Variants in SEMA3C observed in about 807,000 individuals in gnomAD.
SEMA3C encodes the protein semaphorin 3C.
A neutral mutation model predicts 89.4 loss-of-function variants in SEMA3C; 47 were observed. That is an observed-to-expected ratio of 0.53 (90% CI 0.42 to 0.67). The LOEUF (loss-of-function observed/expected upper bound fraction) is 0.67. Ranked by LOEUF, SEMA3C falls within the 30% of genes least tolerant of loss-of-function variation. The pLI, the probability that SEMA3C is intolerant of heterozygous loss-of-function variation, is 0.00. For missense variants in SEMA3C, 839 were observed against 929.1 expected, an observed-to-expected ratio of 0.90 and a Z score of 1.26; for synonymous variants, 310 against 320.2, an observed-to-expected ratio of 0.97 and a Z score of 0.34.
intron 2 of SEMA3C, among the ~76,000 whole-genome samples, chr7:80,897,783 A>T (rs186118974): frequency 6.6e-6 from 1 of 152,336 alleles, no homozygotes; most frequent in African/African-American, 2.4e-5. Context: ...AGCTTTGCTT[A>T]GTCATAAATT....
chr7:80,899,181 C>T (rs1202847326), intron 2 of SEMA3C, among the ~76,000 whole-genome samples: 1 of 152,154 alleles, frequency 6.6e-6, no homozygotes, highest in Admixed American at 6.5e-5. Context: ...GCTGCGATTA[C>T]AGGCGTGTGC....
chr7:80,854,652 C>T (rs1384278229), intron 2 of SEMA3C, among the ~76,000 whole-genome samples: 2 of 152,090 alleles, frequency 1.3e-5, no homozygotes, highest in Non-Finnish European at 2.9e-5. Context: ...GACCTGCATC[C>T]ATTATATTAA....
chr7:80,849,754 T>C (rs970592713), intron 2 of SEMA3C, among the ~76,000 whole-genome samples: 2 of 152,122 alleles, frequency 1.3e-5, no homozygotes. Context: ...AAATGTTTCT[T>C]AAATAGGGCA....
At chr7:80,904,204 C>T (rs2116211106) in intron 2 of SEMA3C, among the ~76,000 whole-genome samples, 1 of 152,162 alleles carries the variant, frequency 6.6e-6, no homozygotes, top group East Asian at 1.9e-4. Flanking sequence ...CCATGCCTGG[C>T]TAATTTTTGT....
At chr7:80,781,998 A>T (rs1788701991) in intron 12 of SEMA3C, among the ~76,000 whole-genome samples, 1 of 152,198 alleles carries the variant, frequency 6.6e-6, no homozygotes, top group Admixed American at 6.5e-5. Context: ...TTAAGAAAAA[A>T]AAATGCCAAA....
At chr7:80,880,531 A>G (rs145363595) in intron 2 of SEMA3C, among the ~76,000 whole-genome samples, 11 of 152,320 alleles carry the variant, frequency 7.2e-5, no homozygotes, top group African/African-American at 2.6e-4. Flanking sequence ...ATGTTGGACA[A>G]TTTACAGAAA....
intron 13 of SEMA3C, among the ~76,000 whole-genome samples, chr7:80,763,223 T>C (rs1340328776): frequency 6.6e-6 from 1 of 152,206 alleles, no homozygotes; most frequent in African/African-American, 2.4e-5. Context: ...CAAAGTCACA[T>C]TGAATTTTCT....
intron 2 of SEMA3C, among the ~76,000 whole-genome samples, chr7:80,845,964 T>C (rs1790379278): frequency 6.6e-6 from 1 of 152,208 alleles, no homozygotes; most frequent in Admixed American, 6.5e-5. Flanking sequence ...TGAGAAGTCA[T>C]GCCTACTTTA....
chr7:80,782,090 G>A (rs1788703900), intron 12 of SEMA3C, among the ~76,000 whole-genome samples: 1 of 152,092 alleles, frequency 6.6e-6, no homozygotes, highest in South Asian at 2.1e-4. Flanking sequence ...TTTTAAATGG[G>A]CAAAAATTTA....
rs772714023 is a variant in SEMA3C at position 80,862,723 on chromosome 7, G to A, written c.104-33978C>T. On this transcript the variant is annotated intron_variant, in intron 2 of 17. Coordinates refer to ENST00000265361, the MANE Select transcript of SEMA3C (RefSeq NM_006379.5). The stretch of plus-strand genomic sequence containing the variant: ...ATAAGGCCATAGTCACCAAAACAGC[G>A]TGGTACTGGTATAAAATAGGCACAC... Among the ~76,000 whole-genome samples the A allele has an allele frequency of 2.0e-4, 31 of 152,074 alleles. 1 individual carries two copies. The highest frequency in any genetic ancestry group is 2.4e-4 in the Non-Finnish European group (16 of 67,996).
intron 11 of SEMA3C, among the ~76,000 whole-genome samples, chr7:80,797,501 A>T (rs1176556423): frequency 6.6e-6 from 1 of 152,220 alleles, no homozygotes. Context: ...CCTATAGTTA[A>T]ATAGTTCTAA....
intron 2 of SEMA3C, among the ~76,000 whole-genome samples, chr7:80,849,521 T>C (rs867710957): frequency 1.3e-5 from 2 of 152,172 alleles, no homozygotes; most frequent in African/African-American, 4.8e-5. Context: ...CATTAATGAA[T>C]ATATTAGATA....
chr7:80,799,107 T>C (rs1402244536), intron 10 of SEMA3C, among the ~76,000 whole-genome samples: 2 of 152,224 alleles, frequency 1.3e-5, no homozygotes, highest in Non-Finnish European at 2.9e-5. Flanking sequence ...TTTTTTTTCT[T>C]TGTTCAATTC....
chr7:80,770,254 A>G (rs1015227371), intron 12 of SEMA3C, among the ~76,000 whole-genome samples: 1 of 152,228 alleles, frequency 6.6e-6, no homozygotes, highest in Non-Finnish European at 1.5e-5. Flanking sequence ...CAGAATGGCC[A>G]TAAAACTCCC....
chr7:80,915,242 T>A (rs112382060), intron 2 of SEMA3C, among the ~76,000 whole-genome samples: 2 of 152,310 alleles, frequency 1.3e-5, no homozygotes, highest in African/African-American at 4.8e-5. Flanking sequence ...CTAAAAAGGA[T>A]ACCTCAAAGG....
intron 7 of SEMA3C, among the ~76,000 whole-genome samples, chr7:80,805,063 TA>T (rs550327451): frequency 4.6e-5 from 7 of 152,202 alleles, no homozygotes; most frequent in African/African-American, 1.7e-4. Context: ...GTGAATTCCA[TA>T]TGACTCCAAG....
chr7:80,798,791 C>A (rs1789128049), intron 10 of SEMA3C, among the ~76,000 whole-genome samples: 1 of 152,172 alleles, frequency 6.6e-6, no homozygotes, highest in African/African-American at 2.4e-5. Context: ...AAAAAAAATT[C>A]ATTAAACCAT....
At chr7:80,897,664 AG>A (rs1315989322) in intron 2 of SEMA3C, among the ~76,000 whole-genome samples, 1 of 152,234 alleles carries the variant, frequency 6.6e-6, no homozygotes, top group Non-Finnish European at 1.5e-5. Flanking sequence ...CTTAAAAAAA[AG>A]TTTGAGGCTG....
Position 80,751,257 on chromosome 7 carries a change from C to T in SEMA3C, c.1711+12G>A. Reference sequence around the variant, plus strand: ...CTGTTCACTGAGATTGGCCATTGCTCACTTTTAATACCTTTTAGATTAAAT... The same window carrying T: ...CTGTTCACTGAGATTGGCCATTGCTTACTTTTAATACCTTTTAGATTAAAT... On this transcript the variant is annotated intron_variant, in intron 16 of 17. Transcript: ENST00000265361. 1 of 1,611,046 alleles carries T rather than the reference C, an allele frequency of 6.2e-7. No homozygotes were observed. Among genetic ancestry groups the T allele is most frequent in the Non-Finnish European group, 8.5e-7 (1 of 1,177,528 alleles).
Sources: allele counts gnomAD v4.1 joint callset (sites outside exome capture counted in the v4.1 genomes callset), GRCh38; gene constraint gnomAD v4.1.1; transcripts MANE v1.5; gene names NCBI Gene and HGNC (gene_info 2026-07-23, HGNC 2026-07-21).